Variants in ITSN1 observed in about 807,000 individuals in gnomAD.
ITSN1 encodes intersectin-1.
In ITSN1, 58 loss-of-function variants were observed where a neutral mutation model predicts 239.8. The ratio of observed to expected loss-of-function variants is 0.24; its 90% CI spans 0.20 to 0.30. The LOEUF (loss-of-function observed/expected upper bound fraction) is 0.30, where lower values mean the gene tolerates loss of function less well. Ranked by LOEUF, ITSN1 falls within the 10% of genes least tolerant of loss-of-function variation. ITSN1 has a pLI of 1.00. For missense variants in ITSN1, 1,558 were observed against 2,103.3 expected, an observed-to-expected ratio of 0.74 and a Z score of 5.07; for synonymous variants, 780 against 770.8, an observed-to-expected ratio of 1.01 and a Z score of -0.20.
chr21:33,876,345 C>T (rs530699597), intron 34 of ITSN1, among the ~76,000 whole-genome samples: 5 of 148,304 alleles, frequency 3.4e-5, no homozygotes, highest in South Asian at 4.3e-4. Flanking sequence ...TCCTTCCTTT[C>T]TCCTTCTCTT....
intron 32 of ITSN1, among the ~76,000 whole-genome samples, chr21:33,866,310 C>G (rs141873965): frequency 1.3e-3 from 191 of 152,294 alleles, no homozygotes; most frequent in African/African-American, 3.9e-3. Context: ...AAGAAGGAGG[C>G]CTTGGGTGGA....
chr21:33,644,959 T>C (rs985926), intron 1 of ITSN1, among the ~76,000 whole-genome samples: 134,342 of 151,866 alleles, frequency 0.88, 59,758 homozygotes, highest in East Asian at 1. Context: ...GTATCTGGGA[T>C]CACAGATGCA....
intron 25 of ITSN1, among the ~76,000 whole-genome samples, chr21:33,825,748 G>A (rs1056100834): frequency 1.3e-4 from 20 of 152,150 alleles, no homozygotes; most frequent in African/African-American, 4.3e-4. Context: ...TTGATATGCA[G>A]CCTATTGAAA....
At chr21:33,853,903 G>A (rs1039252219) in intron 29 of ITSN1, among the ~76,000 whole-genome samples, 11 of 152,162 alleles carry the variant, frequency 7.2e-5, no homozygotes, top group African/African-American at 2.4e-4. Flanking sequence ...CACCTTCAGC[G>A]GAGGGTGGGG....
At chr21:33,863,858 G>A (rs1346913107) in intron 31 of ITSN1, among the ~76,000 whole-genome samples, 1 of 152,126 alleles carries the variant, frequency 6.6e-6, no homozygotes, top group African/African-American at 2.4e-5. Context: ...ACCCCTCAAT[G>A]GGGCAGTGGC....
intron 5 of ITSN1, among the ~76,000 whole-genome samples, chr21:33,745,156 T>C (rs998709036): frequency 3.3e-5 from 5 of 152,344 alleles, no homozygotes; most frequent in Non-Finnish European, 5.9e-5. Flanking sequence ...TCCTGTAGTC[T>C]TGCCAAAGAG....
chr21:33,899,454 G>A lies in ITSN1; in HGVS notation c.*11154G>A, dbSNP rs1467164809. ...TGGTACTGTTTAATTTTCCATAAAA[G>A]AGAGACTATATTGTCTGATATGTAA... On this transcript the variant is annotated 3_prime_UTR_variant, in exon 40 of 40. Transcript: ENST00000381318. 1 of 152,180 alleles carries A rather than the reference G, an allele frequency of 6.6e-6. No individual in the cohort carries two copies. The highest frequency in any genetic ancestry group is 2.4e-5 in the African/African-American group (1 of 41,436). 9.4% of individuals were successfully genotyped at this position (152,180 alleles called of 1,614,324 possible).
At chr21:33,728,124 C>T (rs574971136) in intron 4 of ITSN1, among the ~76,000 whole-genome samples, 26 of 152,198 alleles carry the variant, frequency 1.7e-4, no homozygotes, top group African/African-American at 5.8e-4. Flanking sequence ...ACTACCATGC[C>T]TGGCTAATTT....
At chr21:33,871,551 G>A (rs989152085) in intron 33 of ITSN1, among the ~76,000 whole-genome samples, 10 of 152,114 alleles carry the variant, frequency 6.6e-5, no homozygotes, top group Admixed American at 6.5e-5. Flanking sequence ...AGATCATCCT[G>A]GCCAACATGG....
intron 32 of ITSN1, 121 bp from the exon 33 acceptor site, chr21:33,867,108 GTCTC>G: frequency 1.6e-6 from 1 of 642,198 alleles, no homozygotes; most frequent in Non-Finnish European, 2.8e-6. Flanking sequence ...CCAACCCCAG[GTCTC>G]TCAGTTGTCA....
intron 29 of ITSN1, among the ~76,000 whole-genome samples, chr21:33,850,677 C>G (rs2075133308): frequency 6.6e-6 from 1 of 152,168 alleles, no homozygotes; most frequent in Admixed American, 6.5e-5. Flanking sequence ...TTGGAGAACG[C>G]TGGGGTTTCA....
chr21:33,673,972 A>G (rs2090450351), intron 1 of ITSN1, among the ~76,000 whole-genome samples: 2 of 152,210 alleles, frequency 1.3e-5, no homozygotes, highest in Non-Finnish European at 2.9e-5. Flanking sequence ...TTTTTAGCAC[A>G]CCTGATAGTT....
chr21:33,897,133 GTAGA>G lies in ITSN1; in HGVS notation c.*8836_*8839del, dbSNP rs946650891. On this transcript the variant is annotated 3_prime_UTR_variant, in exon 40 of 40. Coordinates refer to ENST00000381318, the MANE Select transcript of ITSN1 (RefSeq NM_003024.3). ...TGCTAAACATTCACTGTGACAGAAA[GTAGA>G]TATTTTAGCAAGATCTATGTTAATG... The G allele has an allele frequency of 8.5e-5, 13 of 152,224 alleles. No homozygotes were observed. The highest frequency in any genetic ancestry group is 3.1e-4 in the African/African-American group (13 of 41,456). The allele number at this position is 152,224 out of a possible 1,614,324, so 9.4% of individuals were successfully genotyped here.
chr21:33,667,095 A>G (rs1388314987), intron 1 of ITSN1, among the ~76,000 whole-genome samples: 4 of 150,340 alleles, frequency 2.7e-5, no homozygotes, highest in African/African-American at 9.8e-5. Flanking sequence ...CTGAGATTAC[A>G]GAATTTGTAA....
chr21:33,736,452 G>A (rs1327477959), intron 5 of ITSN1, among the ~76,000 whole-genome samples: 1 of 152,126 alleles, frequency 6.6e-6, no homozygotes, highest in Non-Finnish European at 1.5e-5. Flanking sequence ...AAGATTTTTA[G>A]GCAAATAGGA....
At chr21:33,772,459 C>A in intron 12 of ITSN1, 136 bp downstream of exon 12, 1 of 1,081,046 alleles carries the variant, frequency 9.3e-7, no homozygotes, top group Non-Finnish European at 1.3e-6. Flanking sequence ...GTTGTGCAAC[C>A]ATCGTCCCTA....
chr21:33,764,083 C>T (rs536313357), intron 9 of ITSN1, among the ~76,000 whole-genome samples: 1 of 152,038 alleles, frequency 6.6e-6, no homozygotes, highest in Non-Finnish European at 1.5e-5. Flanking sequence ...CCTAGGGCCC[C>T]CTGAAATATA....
At chr21:33,844,758 TTCCTC>T (rs2074936209) in intron 29 of ITSN1, among the ~76,000 whole-genome samples, 1 of 151,994 alleles carries the variant, frequency 6.6e-6, no homozygotes, top group Admixed American at 6.5e-5. Flanking sequence ...GGATGCCTCT[TTCCTC>T]TCTGGAGTGT....
At chr21:33,813,360 T>C (rs1313693970) in intron 21 of ITSN1, among the ~76,000 whole-genome samples, 2 of 151,894 alleles carry the variant, frequency 1.3e-5, no homozygotes, top group Non-Finnish European at 2.9e-5. Context: ...AACTTTTTTT[T>C]TTTTCTTTTT....
Sources: allele counts gnomAD v4.1 joint callset (sites outside exome capture counted in the v4.1 genomes callset), GRCh38; gene constraint gnomAD v4.1.1; transcripts MANE v1.5; gene names NCBI Gene and HGNC (gene_info 2026-07-23, HGNC 2026-07-21).